HOOK2: variants seen among roughly 807,000 people sequenced by gnomAD.
HOOK2 encodes hook microtubule tethering protein 2.
Under a neutral mutation model 111.9 loss-of-function variants are expected in HOOK2, and 108 were observed. That is an observed-to-expected ratio of 0.96 (90% CI 0.83 to 1.13). HOOK2 has a LOEUF of 1.13. Ranked by LOEUF, HOOK2 falls within the 50% of genes most tolerant of loss-of-function variation. The probability of loss-of-function intolerance (pLI) is 0.00; values close to 1 mark genes in which losing one functional copy is unlikely to be tolerated. For missense variants in HOOK2, 978 were observed against 951.3 expected (o/e 1.03, Z -0.37); for synonymous variants, 405 against 394.3 (o/e 1.03, Z -0.32).
Position 12,791,276 on chromosome 19 carries a change from C to T in HOOK2, n.42-17051G>A, listed in dbSNP as rs554990071. Among the ~76,000 whole-genome samples the T allele has an allele frequency of 2.0e-4, 30 of 152,310 alleles. No homozygotes were observed. The South Asian group carries it at 6.2e-3, about 32-fold the overall frequency. On this transcript the variant is annotated intron_variant and non_coding_transcript_variant, in intron 3 of 3. Transcript: ENST00000589765. This position sits in a 1 kb window ranked among gnomAD's most constrained non-coding sequence, Gnocchi z 7.0. ...CATGCGTACCCCGAGGTCCTTTGAGCCCCTCCCCCTGCAGCCCCGCCGAGC... is the reference window on the plus strand; with the variant it reads ...CATGCGTACCCCGAGGTCCTTTGAGTCCCTCCCCCTGCAGCCCCGCCGAGC...
Position 12,792,018 on chromosome 19 carries a change from G to T in HOOK2, n.42-17793C>A. 6.2e-7 allele frequency: 1 copy of T among 1,611,582 alleles called. No homozygotes were observed. Among genetic ancestry groups the T allele is most frequent in the South Asian group, 1.1e-5 (1 of 90,942 alleles). On this transcript the variant is annotated intron_variant and non_coding_transcript_variant, in intron 3 of 3. Coordinates refer to the HOOK2 transcript ENST00000589765. ...GGACACCGGCGCGTCTCTCAAGCTCGCCTCTTCGGAGCTGGAACGCCTGAT... is the reference window on the plus strand; with the variant it reads ...GGACACCGGCGCGTCTCTCAAGCTCTCCTCTTCGGAGCTGGAACGCCTGAT...
At chr19:12,788,923 C>T (rs1968679763) in intron 3 of HOOK2, among the ~76,000 whole-genome samples, 1 of 152,068 alleles carries the variant, frequency 6.6e-6, no homozygotes, top group Non-Finnish European at 1.5e-5. Context: ...TCACAGGGAC[C>T]CTCCAAGGAC....
Position 12,791,875 on chromosome 19 carries a change from T to G in HOOK2, n.42-17650A>C. On this transcript the variant is annotated intron_variant and non_coding_transcript_variant, in intron 3 of 3. Coordinates refer to the HOOK2 transcript ENST00000589765. This position sits in a 1 kb window ranked among gnomAD's most constrained non-coding sequence, Gnocchi z 7.0. ...CTCTCTCTACACGACTACAAACTCC[T>G]GAAACCGAGCCTGGCGGTCAACCTG... The G allele has an allele frequency of 4.3e-6, 7 of 1,613,426 alleles. No individual in the cohort carries two copies. The highest frequency in any genetic ancestry group is 2.2e-5 in the East Asian group (1 of 44,852).
chr19:12,776,431 C>T (rs1305865581), upstream of HOOK2, among the ~76,000 whole-genome samples: 4 of 151,666 alleles, frequency 2.6e-5, no homozygotes, highest in East Asian at 5.9e-4. Flanking sequence ...CCTGTAATCC[C>T]AGCACTTTGG....
In HOOK2 at chr19:12,790,487, G is replaced by A. The variant is rs1277911135; in HGVS notation, n.42-16262C>T. ...CAATAGGGGAGGGTTTTAGGATGGG[G>A]GACAGAGAATACAGATGACTAAGAG... On this transcript the variant is annotated intron_variant and non_coding_transcript_variant, in intron 3 of 3. Coordinates refer to the HOOK2 transcript ENST00000589765. The surrounding 1 kb of genome is among the most constrained non-coding windows in gnomAD (Gnocchi z 7.2). Among the ~76,000 whole-genome samples the A allele has an allele frequency of 6.6e-6, 1 of 152,230 alleles. No homozygotes were observed. Among genetic ancestry groups the A allele is most frequent in the South Asian group, 2.1e-4 (1 of 4,836 alleles).
Position 12,774,639 on chromosome 19 carries a change from C to G in HOOK2, c.204+30G>C, listed in dbSNP as rs374896393. The G allele has an allele frequency of 1.9e-6, 3 of 1,611,738 alleles. No individual in the cohort carries two copies. The African/African-American group carries it at 4.0e-5, about 22-fold the overall frequency. On this transcript the variant is annotated intron_variant, in intron 3 of 22. Transcript: ENST00000397668. The stretch of plus-strand genomic sequence containing the variant: ...CGTCCCTGGTCATCTCTTCACCAGT[C>G]TGTCCTCTAATCAGGAGTCCACTTG...
upstream of HOOK2, chr19:12,775,568 C>T: frequency 2.9e-6 from 3 of 1,033,144 alleles, no homozygotes; most frequent in Non-Finnish European, 2.6e-6. Flanking sequence ...GCCGCCCCGC[C>T]CCGCCCCCCT....
Position 12,773,127 on chromosome 19 carries a change from TCTC to T in HOOK2, c.205-86_205-84del, listed in dbSNP as rs369956013. On this transcript the variant is annotated intron_variant, in intron 3 of 22. Transcript: ENST00000397668. ...GGTCCCATCCTCTCTCCACCTCACT[TCTC>T]CTTCCCTGCTCATCTCATCCTATTC... 5,489 of 1,324,376 alleles carry T rather than the reference TCTC, an allele frequency of 4.1e-3. 11 individuals are homozygous for T. Among genetic ancestry groups the T allele is most frequent in the Non-Finnish European group, 5.4e-3 (4,930 of 920,768 alleles). The allele number at this position is 1,324,376 out of a possible 1,614,324, so 82.0% of individuals were successfully genotyped here. A position where few individuals can be genotyped will look rare whatever the true frequency, so the allele number is the denominator to read the frequency against.
upstream of HOOK2, among the ~76,000 whole-genome samples, chr19:12,780,380 G>C (rs931652743): frequency 4.6e-5 from 7 of 151,218 alleles, no homozygotes; most frequent in Non-Finnish European, 8.8e-5. Context: ...TTTTTGAGAC[G>C]GAGTCTCACT....
intron 12 of HOOK2, 25 bp from the exon 13 acceptor site, chr19:12,767,928 T>C (rs772295360): frequency 1.9e-6 from 3 of 1,611,304 alleles, no homozygotes; most frequent in Non-Finnish European, 2.5e-6. Context: ...TACAAGACAC[T>C]CCACGGGTCA....
chr19:12,775,600 C>T, upstream of HOOK2: 2 of 668,428 alleles, frequency 3.0e-6, no homozygotes, highest in Non-Finnish European at 4.3e-6. Context: ...CCGCCCCGCC[C>T]CCAAGCCCAG....
chr19:12,781,572 C>T (rs947372306), upstream of HOOK2, among the ~76,000 whole-genome samples: 2 of 152,078 alleles, frequency 1.3e-5, no homozygotes, highest in African/African-American at 4.8e-5. Flanking sequence ...CTGATCCGCC[C>T]GCCTTGGCCT....
intron 14 of HOOK2, chr19:12,766,510 G>T: frequency 2.3e-6 from 1 of 435,898 alleles, no homozygotes; most frequent in South Asian, 5.7e-5. Context: ...CTGCTGGAAA[G>T]CGGGAAGCAG....
chr19:12,791,995 A>G lies in HOOK2; in HGVS notation n.42-17770T>C. On this transcript the variant is annotated intron_variant and non_coding_transcript_variant, in intron 3 of 3. Transcript: ENST00000589765. This position sits in a 1 kb window ranked among gnomAD's most constrained non-coding sequence, Gnocchi z 7.0. ...AGCTACTTTTCTGGTCAGGGCTCGG[A>G]CACCGGCGCGTCTCTCAAGCTCGCC... 6.2e-7 allele frequency: 1 copy of G among 1,611,594 alleles called. No individual in the cohort carries two copies. The highest frequency in any genetic ancestry group is 8.5e-7 in the Non-Finnish European group (1 of 1,179,432).
At chr19:12,792,263 G>T (rs1016603290) in intron 3 of HOOK2, 3 of 1,494,444 alleles carry the variant, frequency 2.0e-6, no homozygotes, top group African/African-American at 2.8e-5. Context: ...CTACCGGGGG[G>T]CCCCCGGCTG....
chr19:12,773,231 C>CTTTT (rs373156108), intron 3 of HOOK2, 187 bp from the exon 4 acceptor site: 83 of 254,942 alleles, frequency 3.3e-4, no homozygotes, highest in African/African-American at 1.2e-3. Flanking sequence ...ATCTTTGTTT[C>CTTTT]TTTTTTTTTT....
At chr19:12,766,344 G>A in intron 14 of HOOK2, 104 bp from the exon 15 acceptor site, 1 of 1,365,738 alleles carries the variant, frequency 7.3e-7, no homozygotes, top group South Asian at 1.5e-5. Flanking sequence ...CCCTGGGGAA[G>A]AGCCCAGCCA....
chr19:12,763,778 C>T lies in HOOK2; in HGVS notation c.1828G>A (p.Val610Ile), dbSNP rs756535816. 4 of 1,613,406 alleles carry T rather than the reference C, an allele frequency of 2.5e-6. No individual in the cohort carries two copies. Among genetic ancestry groups the T allele is most frequent in the Middle Eastern group, 3.3e-4 (2 of 6,082 alleles). ...TGCTTGGGTTCCATGGTCTGCATGA[C>T]CTACAGGTTGAGGAAGTCATAGCCA... ...YRRYVDKARMVMQTMEPKQRP... is the reference protein window; with the variant it reads ...YRRYVDKARMIMQTMEPKQRP... Residue 610 changes from valine (V) to isoleucine (I), a missense_variant and splice_region_variant, in exon 21 of 23, where the codon GTC (valine) becomes ATC (isoleucine). By Grantham distance (29) the Val-to-Ile change is conservative (BLOSUM62 3). Around this residue, in one of 5 missense-constraint regions of HOOK2, gnomAD observed 277 missense variants for 265.8 expected, o/e 1.04. Coordinates refer to ENST00000397668, the MANE Select transcript of HOOK2 (RefSeq NM_013312.3).
At chr19:12,771,680 C>T (rs1968332952) in intron 7 of HOOK2, 2 of 576,552 alleles carry the variant, frequency 3.5e-6, no homozygotes, top group Admixed American at 3.0e-5. Context: ...ATCAGGAGTT[C>T]CAGACCAGCC....
Sources: gnomAD v4.1 joint callset for allele counts (sites outside exome capture counted in the v4.1 genomes callset) on GRCh38, gnomAD v4.1.1 for gene constraint, gnomAD v4.1.1 regional missense constraint, Gnocchi (gnomAD v3.1) non-coding constraint, MANE v1.5 for transcripts, NCBI Gene and HGNC (gene_info 2026-07-23, HGNC 2026-07-21) for gene names.